Variants in ANKRD28 observed in about 807,000 individuals in gnomAD.
ANKRD28 encodes the protein ankyrin repeat domain 28.
Under a neutral mutation model 126.5 loss-of-function variants are expected in ANKRD28, and 44 were observed. That is an observed-to-expected ratio of 0.35 (90% confidence interval 0.27 to 0.45). The LOEUF is 0.45. ANKRD28 is among the 20% of genes least tolerant of loss of function. The probability of loss-of-function intolerance (pLI) is 1.00; values close to 1 mark genes in which losing one functional copy is unlikely to be tolerated. For missense variants in ANKRD28, 1,110 were observed against 1,316.6 expected (o/e 0.84, Z 2.43); for synonymous variants, 442 against 468.5 (o/e 0.94, Z 0.73).
upstream of ANKRD28, among the ~76,000 whole-genome samples, chr3:15,798,726 T>C (rs548499182): frequency 5.3e-5 from 8 of 152,184 alleles, no homozygotes; most frequent in East Asian, 1.5e-3. Flanking sequence ...TCCCTATAAA[T>C]TTCCCAAAGC....
chr3:15,743,545 AACACACACACACACAC>A lies in ANKRD28; in HGVS notation c.352-6328_352-6313del, dbSNP rs4036221. ...CTCCAGCAGTGCAGTGTGGCTTTTT[AACACACACACACACAC>A]ACACACACACACACACACACACACA... On this transcript the variant is annotated intron_variant, in intron 4 of 27. Transcript: ENST00000683139. Among the ~76,000 whole-genome samples the A allele has an allele frequency of 2.1e-3, 301 of 140,482 alleles. 1 individual carries two copies. The highest frequency in any genetic ancestry group is 6.7e-3 in the African/African-American group (249 of 37,280). 92.2% of individuals were successfully genotyped at this position (140,482 alleles called of 152,430 possible). A position where few individuals can be genotyped will look rare whatever the true frequency, so the allele number is the denominator to read the frequency against.
At chr3:15,844,922 A>G (rs1277163150) in intron 1 of ANKRD28, among the ~76,000 whole-genome samples, 1 of 152,222 alleles carries the variant, frequency 6.6e-6, no homozygotes, top group Non-Finnish European at 1.5e-5. Flanking sequence ...TTGTATAGGA[A>G]GCATAGCGGT....
In ANKRD28 at chr3:15,843,100, G is replaced by C. The variant is rs535087679; in HGVS notation, c.27+16277C>G. Among the ~76,000 whole-genome samples, 102 of 152,270 alleles carry C rather than the reference G, an allele frequency of 6.7e-4. No individual in the cohort carries two copies. Among genetic ancestry groups the C allele is most frequent in the African/African-American group, 2.1e-3 (88 of 41,566 alleles). On this transcript the variant is annotated intron_variant, in intron 1 of 27. Coordinates refer to the ANKRD28 transcript ENST00000399451. This position sits in a 1 kb window ranked among gnomAD's most constrained non-coding sequence, Gnocchi z 5.2. ...TGCAGGCTATACAGGAATCATAGTG[G>C]TATCTGCTTCCAGGGAGGCCTCAAG... is the stretch of plus-strand genomic sequence containing the variant.
chr3:15,799,603 AAAC>A (rs1351862864), upstream of ANKRD28, among the ~76,000 whole-genome samples: 2 of 152,118 alleles, frequency 1.3e-5, no homozygotes, highest in East Asian at 3.8e-4. Context: ...TCTGAAAGTG[AAAC>A]AACTATAGTA....
intron 14 of ANKRD28, among the ~76,000 whole-genome samples, chr3:15,697,996 C>T (rs1432404746): frequency 6.6e-6 from 1 of 151,952 alleles, no homozygotes; most frequent in South Asian, 2.1e-4. Flanking sequence ...TCCCTTTCTT[C>T]TAGATTTTCT....
rs141781591 is a variant in ANKRD28 at position 15,672,939 on chromosome 3, C to T, written c.2966-2383G>A. 2.5e-3 allele frequency among the ~76,000 whole-genome samples: 382 copies of T among 152,124 alleles called. 4 individuals are homozygous for T. The highest frequency in any genetic ancestry group is 2.7e-3 in the South Asian group (13 of 4,802). On this transcript the variant is annotated intron_variant, in intron 27 of 27. Coordinates refer to ENST00000683139, the MANE Select transcript of ANKRD28 (RefSeq NM_001349278.2). ...TACAGGCACATGCCACCACACCTGGCTAATTTTTGTATTTTTAGTAGAGAC... is the reference window on the plus strand; with the variant it reads ...TACAGGCACATGCCACCACACCTGGTTAATTTTTGTATTTTTAGTAGAGAC...
intron 3 of ANKRD28, among the ~76,000 whole-genome samples, chr3:15,765,471 G>A (rs531976466): frequency 2.6e-5 from 4 of 151,964 alleles, no homozygotes; most frequent in Non-Finnish European, 5.9e-5. Flanking sequence ...ATAAACCACC[G>A]TTACCTCCAC....
intron 1 of ANKRD28, among the ~76,000 whole-genome samples, chr3:15,821,802 G>T (rs756000383): frequency 2.6e-5 from 4 of 152,108 alleles, no homozygotes; most frequent in Non-Finnish European, 5.9e-5. Flanking sequence ...AACTAATATG[G>T]ACCTTATTCT....
At chr3:15,749,857 G>A (rs953972600) in intron 4 of ANKRD28, among the ~76,000 whole-genome samples, 1 of 152,196 alleles carries the variant, frequency 6.6e-6, no homozygotes, top group African/African-American at 2.4e-5. Context: ...TCTGTCTTCA[G>A]GTCCTTCAGC....
intron 4 of ANKRD28, among the ~76,000 whole-genome samples, chr3:15,750,390 T>C (rs889589253): frequency 6.6e-6 from 1 of 152,250 alleles, no homozygotes; most frequent in African/African-American, 2.4e-5. Context: ...TTGGCTAGTA[T>C]GTCTTAGTTT....
intron 15 of ANKRD28, 33 bp downstream of exon 15, chr3:15,696,101 A>G: frequency 7.3e-7 from 1 of 1,378,610 alleles, no homozygotes; most frequent in Non-Finnish European, 1.0e-6. Context: ...ATAAACTCCC[A>G]TTAGGTCTTT....
At chr3:15,761,849 C>T (rs1485370824) in intron 3 of ANKRD28, among the ~76,000 whole-genome samples, 1 of 151,910 alleles carries the variant, frequency 6.6e-6, no homozygotes, top group East Asian at 1.9e-4. Flanking sequence ...AAATATCCAC[C>T]AATCAAAATT....
intron 21 of ANKRD28, among the ~76,000 whole-genome samples, chr3:15,683,297 T>A (rs889158033): frequency 2.0e-5 from 3 of 152,214 alleles, no homozygotes; most frequent in African/African-American, 7.2e-5. Flanking sequence ...TCCCACTATA[T>A]TAGATATTTT....
chr3:15,702,065 T>A (rs539081204), intron 14 of ANKRD28, among the ~76,000 whole-genome samples: 2 of 152,354 alleles, frequency 1.3e-5, no homozygotes, highest in South Asian at 4.1e-4. Context: ...CTTTCAGATT[T>A]TGCTAAACAA....
chr3:15,690,335 A>T (rs2068628741), intron 17 of ANKRD28, 115 bp from the exon 18 acceptor site: 2 of 842,084 alleles, frequency 2.4e-6, no homozygotes, highest in East Asian at 5.4e-5. Flanking sequence ...TACTTGAGAT[A>T]ATCCAAACTT....
chr3:15,738,182 A>T (rs2075163729), intron 4 of ANKRD28, among the ~76,000 whole-genome samples: 1 of 152,206 alleles, frequency 6.6e-6, no homozygotes, highest in South Asian at 2.1e-4. Context: ...GCCCCCAATA[A>T]TTCAAAGTGA....
intron 4 of ANKRD28, among the ~76,000 whole-genome samples, chr3:15,750,280 T>C (rs2057777484): frequency 6.6e-6 from 1 of 152,252 alleles, no homozygotes; most frequent in South Asian, 2.1e-4. Context: ...CCAATAACAG[T>C]AATGTTTATC....
chr3:15,693,027 C>G (rs1484215884), intron 17 of ANKRD28, among the ~76,000 whole-genome samples: 2 of 152,108 alleles, frequency 1.3e-5, no homozygotes, highest in Non-Finnish European at 1.5e-5. Flanking sequence ...TATGATTCCA[C>G]TTAAATGAGG....
intron 14 of ANKRD28, among the ~76,000 whole-genome samples, chr3:15,698,012 AT>A (rs2069922925): frequency 6.6e-6 from 1 of 151,276 alleles, no homozygotes; most frequent in Non-Finnish European, 1.5e-5. Context: ...TTTCTAGTTT[AT>A]TTGCGTAGAG....
Sources: allele counts gnomAD v4.1 joint callset (sites outside exome capture counted in the v4.1 genomes callset), GRCh38; gene constraint gnomAD v4.1.1; non-coding constraint Gnocchi (gnomAD v3.1); transcripts MANE v1.5; gene names NCBI Gene and HGNC (gene_info 2026-07-23, HGNC 2026-07-21).